The following STOML3 variants were observed in gnomAD, a reference collection of about 807,000 sequenced individuals.
STOML3 encodes the protein stomatin like 3, also known as stomatin-like protein 3.
A neutral mutation model predicts 29.5 loss-of-function variants in STOML3; 31 were observed. The observed-to-expected ratio is 1.05, with a 90% CI of 0.79 to 1.42. STOML3 has a LOEUF of 1.42. Ranked by LOEUF, STOML3 falls within the 40% of genes most tolerant of loss-of-function variation. The pLI is 0.00. For missense variants in STOML3, 380 were observed against 363.0 expected, an observed-to-expected ratio of 1.05 and a Z score of -0.38; for synonymous variants, 122 against 139.8, an observed-to-expected ratio of 0.87 and a Z score of 0.90.
intron 1 of STOML3, among the ~76,000 whole-genome samples, chr13:38,981,840 CA>C (rs1223709571): frequency 6.6e-6 from 1 of 152,150 alleles, no homozygotes; most frequent in Non-Finnish European, 1.5e-5. Flanking sequence ...ACAATCACCT[CA>C]AAAACTATTT....
intron 1 of STOML3, among the ~76,000 whole-genome samples, chr13:38,982,147 C>T (rs1273988606): frequency 4.0e-5 from 6 of 151,852 alleles, no homozygotes. Flanking sequence ...ATAGTGGGCA[C>T]AAAACCTTAA....
chr13:38,978,558 A>G (rs1027348477), intron 1 of STOML3, among the ~76,000 whole-genome samples: 5 of 152,060 alleles, frequency 3.3e-5, no homozygotes, highest in African/African-American at 1.2e-4. Flanking sequence ...TATTCTCCAT[A>G]CACAAGCACT....
chr13:38,972,500 A>G lies in STOML3; in HGVS notation c.312+12T>C. The G allele has an allele frequency of 6.2e-7, 1 of 1,610,956 alleles. No homozygotes were observed. Among genetic ancestry groups the G allele is most frequent in the Non-Finnish European group, 8.5e-7 (1 of 1,177,804 alleles). Reference sequence around the variant, plus strand: ...GTTTAATTTCGAGTGACATATCCTTAATCAGTACTACCTCTTGTGGAGGAA... The same window carrying G: ...GTTTAATTTCGAGTGACATATCCTTGATCAGTACTACCTCTTGTGGAGGAA... On this transcript the variant is annotated intron_variant, in intron 4 of 6. Transcript: ENST00000379631.
chr13:38,981,721 C>A (rs1881272403), intron 1 of STOML3, among the ~76,000 whole-genome samples: 4 of 152,042 alleles, frequency 2.6e-5, no homozygotes, highest in Admixed American at 2.0e-4. Flanking sequence ...CCGTAAGATT[C>A]CAGTACGCAG....
intron 1 of STOML3, among the ~76,000 whole-genome samples, chr13:38,980,463 G>A (rs1881233728): frequency 6.6e-6 from 1 of 152,162 alleles, no homozygotes; most frequent in Non-Finnish European, 1.5e-5. Flanking sequence ...AGGATATGCT[G>A]GGATTGTATT....
chr13:38,985,902 C>CTTTTTT (rs1371193997), intron 1 of STOML3, among the ~76,000 whole-genome samples: 1 of 35,442 alleles, frequency 2.8e-5, no homozygotes, highest in Non-Finnish European at 5.7e-5. Context: ...TTTTTTTTTT[C>CTTTTTT]TTTTCTTTCT....
chr13:38,972,837 G>T (rs987036994), intron 3 of STOML3, among the ~76,000 whole-genome samples: 2 of 152,068 alleles, frequency 1.3e-5, no homozygotes, highest in African/African-American at 4.8e-5. Context: ...TTAATTTTTG[G>T]TTTTTATTTT....
chr13:38,983,969 C>T (rs1868401156), intron 1 of STOML3, among the ~76,000 whole-genome samples: 1 of 152,080 alleles, frequency 6.6e-6, no homozygotes, highest in Non-Finnish European at 1.5e-5. Flanking sequence ...ATACACCTTG[C>T]CAACAAAATC....
intron 1 of STOML3, among the ~76,000 whole-genome samples, chr13:38,989,176 T>C (rs1240251472): frequency 6.6e-6 from 1 of 151,866 alleles, no homozygotes; most frequent in Non-Finnish European, 1.5e-5. Context: ...ATTGCAAATA[T>C]ATCAGCCCCA....
chr13:38,985,913 T>TTC (rs1246272405), intron 1 of STOML3, among the ~76,000 whole-genome samples: 26 of 109,810 alleles, frequency 2.4e-4, no homozygotes, highest in African/African-American at 8.7e-4. Context: ...TTTTCTTTCT[T>TTC]TTTTTTTTTT....
At chr13:38,972,423 T>A in intron 4 of STOML3, 89 bp downstream of exon 4, 2 of 1,355,850 alleles carry the variant, frequency 1.5e-6, no homozygotes, top group East Asian at 4.7e-5. Flanking sequence ...CCTCCTATAG[T>A]TTAAAAGTGA....
intron 1 of STOML3, among the ~76,000 whole-genome samples, chr13:38,985,901 T>TTTTTTTTTTG: frequency 8.9e-6 from 1 of 112,910 alleles, no homozygotes; most frequent in South Asian, 3.2e-4. Flanking sequence ...TTTTTTTTTT[T>TTTTTTTTTTG]CTTTTCTTTC....
In STOML3 at chr13:38,966,657, T is replaced by C. The variant is rs1236798332; in HGVS notation, c.*168A>G. On this transcript the variant is annotated 3_prime_UTR_variant, in exon 7 of 7. Transcript: ENST00000379631. ...AATATACAGGTCTCATTTTTGCTCTTTTTTTCTTCTCTGTATAGCCTCTAG... is the reference window on the plus strand; with the variant it reads ...AATATACAGGTCTCATTTTTGCTCTCTTTTTCTTCTCTGTATAGCCTCTAG... 2 of 568,744 alleles carry C rather than the reference T, an allele frequency of 3.5e-6. No individual in the cohort carries two copies. Among genetic ancestry groups the C allele is most frequent in the African/African-American group, 1.9e-5 (1 of 53,530 alleles). The allele number at this position is 568,744 out of a possible 1,614,324, so 35.2% of individuals were successfully genotyped here. A position where few individuals can be genotyped will look rare whatever the true frequency, so the allele number is the denominator to read the frequency against.
intron 1 of STOML3, among the ~76,000 whole-genome samples, chr13:38,989,761 T>A (rs180700868): frequency 8.9e-4 from 136 of 152,318 alleles, no homozygotes; most frequent in African/African-American, 3.1e-3. Context: ...CCTTCCAAAG[T>A]GCTGCGATTA....
chr13:38,983,195 A>G (rs1881325985), intron 1 of STOML3, among the ~76,000 whole-genome samples: 1 of 152,194 alleles, frequency 6.6e-6, no homozygotes, highest in South Asian at 2.1e-4. Context: ...TCATAAAGAT[A>G]TACAAAATAC....
intron 4 of STOML3, among the ~76,000 whole-genome samples, chr13:38,971,733 T>C (rs1269747831): frequency 6.6e-6 from 1 of 152,144 alleles, no homozygotes; most frequent in Non-Finnish European, 1.5e-5. Flanking sequence ...GAGACCAGTC[T>C]GGCCAACATG....
intron 1 of STOML3, among the ~76,000 whole-genome samples, chr13:38,979,485 A>G (rs1446580195): frequency 6.6e-6 from 1 of 152,190 alleles, no homozygotes. Flanking sequence ...ACATACATAT[A>G]TCTACATTTA....
At chr13:38,988,959 C>T (rs867275403) in intron 1 of STOML3, among the ~76,000 whole-genome samples, 5 of 143,586 alleles carry the variant, frequency 3.5e-5, no homozygotes, top group East Asian at 3.9e-4. Context: ...TACTATATTA[C>T]ACAATATATT....
chr13:38,976,543 G>A lies in STOML3; in HGVS notation c.226C>T (p.Pro76Ser). The A allele has an allele frequency of 6.2e-7, 1 of 1,614,130 alleles. No individual in the cohort carries two copies. The highest frequency in any genetic ancestry group is 8.5e-7 in the Non-Finnish European group (1 of 1,180,024). The change falls in exon 3 of 7, where the codon CCA becomes TCA. Residue 76 changes from proline to serine, a missense_variant. Pro to Ser is a moderately conservative substitution (Grantham distance 74). Coordinates refer to ENST00000379631, the MANE Select transcript of STOML3 (RefSeq NM_145286.3). ...GCAGCCACCGCGTCATTCATACCTGGCCCCTTGGCTTTGTCAGCTTGGATG... is the reference window on the plus strand; with the variant it reads ...GCAGCCACCGCGTCATTCATACCTGACCCCTTGGCTTTGTCAGCTTGGATG... ...GRIQADKAKG[P>S]GLILVLPCID...
Sources: gnomAD v4.1 joint callset for allele counts (sites outside exome capture counted in the v4.1 genomes callset) on GRCh38, gnomAD v4.1.1 for gene constraint, MANE v1.5 for transcripts, NCBI Gene and HGNC (gene_info 2026-07-23, HGNC 2026-07-21) for gene names.